SS18L1: variants seen among roughly 807,000 people sequenced by gnomAD.
SS18L1 encodes SS18L1 subunit of BAF chromatin remodeling complex, also known as calcium-responsive transactivator.
In SS18L1, 32 loss-of-function variants were observed where a neutral mutation model predicts 70.3. The observed-to-expected ratio is 0.46, with a 90% CI of 0.34 to 0.61. The LOEUF is 0.61. Among genes scored for constraint, SS18L1 ranks in the 20% least tolerant of loss-of-function variants. The pLI is 0.01. For synonymous variants in SS18L1, 237 were observed against 229.7 expected, an observed-to-expected ratio of 1.03 and a Z score of -0.29; for missense variants, 430 against 542.1, an observed-to-expected ratio of 0.79 and a Z score of 2.05.
chr20:62,169,566 A>G (rs747643141), intron 8 of SS18L1, among the ~76,000 whole-genome samples: 7 of 151,864 alleles, frequency 4.6e-5, no homozygotes, highest in Non-Finnish European at 7.4e-5. Context: ...ATCACTTGAG[A>G]TCAGTAGTTT....
chr20:62,172,598 G>T, intron 8 of SS18L1, 84 bp from the exon 9 acceptor site: 2 of 1,598,246 alleles, frequency 1.3e-6, no homozygotes, highest in Admixed American at 3.4e-5. Flanking sequence ...GGATTCCAAA[G>T]TTACCGTGTC....
chr20:62,168,686 C>T (rs1043016329), intron 8 of SS18L1, among the ~76,000 whole-genome samples: 2 of 152,112 alleles, frequency 1.3e-5, no homozygotes, highest in Admixed American at 6.5e-5. Context: ...TGGTGGCATG[C>T]GCCTGTTGTC....
intron 1 of SS18L1, among the ~76,000 whole-genome samples, chr20:62,155,040 C>T (rs2057197860): frequency 6.6e-6 from 1 of 152,128 alleles, no homozygotes. Context: ...TTCTGGGGCT[C>T]CAGTAACCTG....
chr20:62,179,439 C>T lies in SS18L1; in HGVS notation c.*231C>T, dbSNP rs1210592383. 2.1e-5 allele frequency: 12 copies of T among 570,874 alleles called. No homozygotes were observed. Among genetic ancestry groups the T allele is most frequent in the Admixed American group, 9.5e-5 (3 of 31,514 alleles). 35.4% of individuals were successfully genotyped at this position (570,874 alleles called of 1,614,324 possible). Reference sequence around the variant, plus strand: ...TGGTGCTGTGTATAGTATTGTATGTCGGTACACGGAGAGGTATCCTTTTTT... The same window carrying T: ...TGGTGCTGTGTATAGTATTGTATGTTGGTACACGGAGAGGTATCCTTTTTT... On this transcript the variant is annotated 3_prime_UTR_variant, in exon 11 of 11. Coordinates refer to ENST00000331758, the MANE Select transcript of SS18L1 (RefSeq NM_198935.3).
rs73917816 is a variant in SS18L1 at position 62,170,572 on chromosome 20, C to T, written c.917-2110C>T. ...AGGAAGGCCCCACATCTGCCCGCCCCGTTGCTGTCCTGTTGAGAGCACGGC... is the reference window on the plus strand; with the variant it reads ...AGGAAGGCCCCACATCTGCCCGCCCTGTTGCTGTCCTGTTGAGAGCACGGC... On this transcript the variant is annotated intron_variant, in intron 8 of 10. Transcript: ENST00000331758. Among the ~76,000 whole-genome samples the T allele has an allele frequency of 3.8e-3, 576 of 152,386 alleles. 2 individuals are homozygous for T. The highest frequency in any genetic ancestry group is 0.012 in the African/African-American group (483 of 41,600).
intron 1 of SS18L1, chr20:62,154,474 ATC>A (rs2057187455): frequency 3.9e-6 from 4 of 1,026,134 alleles, no homozygotes; most frequent in Non-Finnish European, 4.7e-6. Flanking sequence ...TGGTGAGTTC[ATC>A]TCTCCTCCAG....
chr20:62,147,648 G>T (rs6062079), intron 1 of SS18L1, among the ~76,000 whole-genome samples: 5,229 of 152,238 alleles, frequency 0.034, 276 homozygotes, highest in African/African-American at 0.11. Flanking sequence ...AGCACCTGTT[G>T]CGGGGCAGGG....
intron 10 of SS18L1, chr20:62,175,407 T>C (rs1443209437): frequency 2.0e-6 from 2 of 985,110 alleles, no homozygotes; most frequent in East Asian, 1.1e-4. Context: ...GTGGGAGCAC[T>C]GCAGGAGCGA....
At chr20:62,143,941 G>A in intron 1 of SS18L1, 52 bp downstream of exon 1, 1 of 978,744 alleles carries the variant, frequency 1.0e-6, no homozygotes, top group Non-Finnish European at 1.2e-6. Context: ...GGGCGGGCGC[G>A]CGCGGGGACG....
At chr20:62,145,754 G>C (rs936746748) in intron 1 of SS18L1, among the ~76,000 whole-genome samples, 1 of 152,228 alleles carries the variant, frequency 6.6e-6, no homozygotes, top group Non-Finnish European at 1.5e-5. Flanking sequence ...AGGGCCAGCA[G>C]TCTGCGTATT....
rs1429580593 is a variant in SS18L1, at chr20:62,174,769, A to G, written c.1164+125A>G. 9 of 1,587,072 alleles carry G rather than the reference A, an allele frequency of 5.7e-6. No homozygotes were observed. On this transcript the variant is annotated intron_variant, in intron 10 of 10. Coordinates refer to ENST00000331758, the MANE Select transcript of SS18L1 (RefSeq NM_198935.3). This position sits in a 1 kb window ranked among gnomAD's most constrained non-coding sequence, Gnocchi z 4.1. ...AACTGGCTTCCAGGGTTCCTTCCAG[A>G]ACGTTAAGTCTCTGAGCCTGTAAGG...
intron 1 of SS18L1, among the ~76,000 whole-genome samples, chr20:62,156,874 C>T (rs1057253509): frequency 6.6e-6 from 1 of 152,238 alleles, no homozygotes; most frequent in Non-Finnish European, 1.5e-5. Flanking sequence ...TGACCCAGCA[C>T]GCTGTAGTGG....
Position 62,181,454 on chromosome 20 carries a change from C to G in SS18L1, c.*2246C>G, listed in dbSNP as rs1349353362. 2 of 210,434 alleles carry G rather than the reference C, an allele frequency of 9.5e-6. No individual in the cohort carries two copies. The highest frequency in any genetic ancestry group is 1.9e-5 in the Non-Finnish European group (2 of 103,636). The allele number at this position is 210,434 out of a possible 1,614,324, so 13.0% of individuals were successfully genotyped here. A position where few individuals can be genotyped will look rare whatever the true frequency, so the allele number is the denominator to read the frequency against. On this transcript the variant is annotated 3_prime_UTR_variant, in exon 11 of 11. Coordinates refer to ENST00000331758, the MANE Select transcript of SS18L1 (RefSeq NM_198935.3). ...TAGTTTATTTTTATTCCTTGCCAAT[C>G]TGGGAATATGCCTTTTTTGTGTGTT...
intron 1 of SS18L1, among the ~76,000 whole-genome samples, chr20:62,153,340 G>A (rs936000253): frequency 6.6e-6 from 1 of 152,154 alleles, no homozygotes; most frequent in Non-Finnish European, 1.5e-5. Context: ...ACCCTATCAG[G>A]GCATGAGTAA....
At chr20:62,149,046 G>A (rs548844193) in intron 1 of SS18L1, among the ~76,000 whole-genome samples, 3 of 152,344 alleles carry the variant, frequency 2.0e-5, no homozygotes, top group Admixed American at 6.5e-5. Context: ...CCCTTTGCGC[G>A]GTCTGGGCCC....
At chr20:62,150,834 G>A (rs2057116735) in intron 1 of SS18L1, among the ~76,000 whole-genome samples, 1 of 150,390 alleles carries the variant, frequency 6.6e-6, no homozygotes, top group Admixed American at 6.6e-5. Flanking sequence ...TGGAGCAGCG[G>A]GAGCGAAACG....
rs1305629621 is a variant in SS18L1, at chr20:62,159,895, C to T, written c.165C>T (p.His55=). The change falls in exon 3 of 11, where the codon CAC becomes CAT. Residue 55 remains histidine, a synonymous_variant. Coordinates refer to ENST00000331758, the MANE Select transcript of SS18L1 (RefSeq NM_198935.3). This position sits in a 1 kb window ranked among gnomAD's most constrained non-coding sequence, Gnocchi z 4.4. ...CCTGCAGGTACCAGCAGATCCTGCA[C>T]CGGAACCTGGTATACCTGGCCACGA... ...AECTQYQQIL[H]RNLVYLATIA... 6.2e-7 allele frequency: 1 copy of T among 1,612,682 alleles called. No individual in the cohort carries two copies. The highest frequency in any genetic ancestry group is 8.5e-7 in the Non-Finnish European group (1 of 1,179,882).
At position 62,163,451 on chromosome 20, in the gene SS18L1, C is replaced by A; in HGVS notation, c.557-7C>A. 1 of 1,611,910 alleles carries A rather than the reference C, an allele frequency of 6.2e-7. No homozygotes were observed. Among genetic ancestry groups the A allele is most frequent in the Non-Finnish European group, 8.5e-7 (1 of 1,179,838 alleles). On this transcript the variant is annotated splice_polypyrimidine_tract_variant and splice_region_variant and intron_variant, in intron 5 of 10. Transcript: ENST00000331758. ...GGGTGATGTGGGGCCTCTGTCCTGT[C>A]GTTCAGTCTCCATGATGCAGCAGCA...
At chr20:62,163,763 A>T in intron 6 of SS18L1, 141 bp downstream of exon 6, 1 of 1,226,358 alleles carries the variant, frequency 8.2e-7, no homozygotes, top group Non-Finnish European at 1.1e-6. Context: ...CCTTGGTGTT[A>T]ACATTGAGTG....
Sources: gnomAD v4.1 joint callset for allele counts (sites outside exome capture counted in the v4.1 genomes callset) on GRCh38, gnomAD v4.1.1 for gene constraint, Gnocchi (gnomAD v3.1) non-coding constraint, MANE v1.5 for transcripts, NCBI Gene and HGNC (gene_info 2026-07-23, HGNC 2026-07-21) for gene names.